The following GALNT13 variants were observed in gnomAD, a reference collection of about 807,000 sequenced individuals.
GALNT13 encodes polypeptide N-acetylgalactosaminyltransferase 13.
In GALNT13, 28 loss-of-function variants were observed where a neutral mutation model predicts 64.2. The ratio of observed to expected loss-of-function variants is 0.44; its 90% CI spans 0.32 to 0.60. GALNT13 has a LOEUF of 0.60. Among genes scored for constraint, GALNT13 ranks in the 20% least tolerant of loss-of-function variants. The pLI, the probability that GALNT13 is intolerant of heterozygous loss-of-function variation, is 0.05. For synonymous variants in GALNT13, 214 were observed against 224.6 expected, an observed-to-expected ratio of 0.95 and a Z score of 0.42; for missense variants, 577 against 669.8, an observed-to-expected ratio of 0.86 and a Z score of 1.53.
At chr2:153,629,885 A>G in the GALNT13 span, among the ~76,000 whole-genome samples, 1 of 148,534 alleles carries the variant, frequency 6.7e-6, no homozygotes, top group Non-Finnish European at 1.5e-5. Flanking sequence ...CAGCCAAAAA[A>G]CACATGAAAA....
At chr2:153,158,200 T>G in the GALNT13 span, among the ~76,000 whole-genome samples, 1 of 152,132 alleles carries the variant, frequency 6.6e-6, no homozygotes, top group South Asian at 2.1e-4. Context: ...TCAACTCCCC[T>G]TAAGGTTTTA....
intron 4 of GALNT13, among the ~76,000 whole-genome samples, chr2:154,166,347 A>G (rs776313877): frequency 2.2e-4 from 33 of 152,278 alleles, no homozygotes; most frequent in Admixed American, 7.2e-4. Flanking sequence ...AGAGGTTGCA[A>G]TGAGCGGAGA....
At chr2:153,355,344 A>T in the GALNT13 span, among the ~76,000 whole-genome samples, 1 of 152,174 alleles carries the variant, frequency 6.6e-6, no homozygotes, top group African/African-American at 2.4e-5. Context: ...TCTGACTCCG[A>T]TCATATTTCT....
rs886156770 is a variant in GALNT13 at position 154,211,537 on chromosome 2, A to G, written c.312-30493A>G. On this transcript the variant is annotated intron_variant, in intron 4 of 12. Transcript: ENST00000392825. ...CAGCTACTTGGGAGGCTGAGTCAGG[A>G]TAATCGATTGAACCCGGGAGGCAGA... Among the ~76,000 whole-genome samples, 3 of 146,018 alleles carry G rather than the reference A, an allele frequency of 2.1e-5. No individual in the cohort carries two copies. In the Admixed American group the frequency reaches 2.1e-4, roughly 10 times the overall value.
At chr2:154,054,038 T>C (rs1452078828) in intron 3 of GALNT13, among the ~76,000 whole-genome samples, 4 of 152,170 alleles carry the variant, frequency 2.6e-5, no homozygotes. Flanking sequence ...TTTGCCTGTA[T>C]TTTATACTCA....
chr2:153,295,922 T>A, the GALNT13 span, among the ~76,000 whole-genome samples: 22,389 of 152,226 alleles, frequency 0.15, 2,113 homozygotes, highest in Non-Finnish European at 0.21. Flanking sequence ...TACATCTGAC[T>A]TTTGGTTTTC....
intron 1 of GALNT13, among the ~76,000 whole-genome samples, chr2:153,888,061 T>C (rs933780040): frequency 6.6e-6 from 1 of 152,066 alleles, no homozygotes; most frequent in African/African-American, 2.4e-5. Context: ...ATTTCCCATT[T>C]AGAAATATTT....
the GALNT13 span, among the ~76,000 whole-genome samples, chr2:153,243,000 T>C: frequency 4.6e-5 from 7 of 152,260 alleles, no homozygotes; most frequent in Admixed American, 4.6e-4. Flanking sequence ...GTTTTCAGTC[T>C]TGGTGTGTAA....
At chr2:153,605,374 T>G in the GALNT13 span, among the ~76,000 whole-genome samples, 10 of 152,200 alleles carry the variant, frequency 6.6e-5, no homozygotes, top group East Asian at 1.9e-3. Flanking sequence ...TCATACCTGC[T>G]TCTGAAATGT....
At chr2:154,156,782 T>G (rs891484725) in intron 4 of GALNT13, among the ~76,000 whole-genome samples, 1 of 152,150 alleles carries the variant, frequency 6.6e-6, no homozygotes, top group East Asian at 1.9e-4. Flanking sequence ...AGGCATGGGT[T>G]GGCCCTTGAA....
rs150859948 is a variant in GALNT13, at chr2:154,371,204, G to A, written c.1157-24787G>A. 3.6e-3 allele frequency among the ~76,000 whole-genome samples: 554 copies of A among 152,182 alleles called. 7 individuals are homozygous for A. Among genetic ancestry groups the A allele is most frequent in the African/African-American group, 0.013 (526 of 41,530 alleles). ...AATAGGAAGTGTGGAAATGGAAAAT[G>A]ACAACATATGCTAGTGTCCCTTAAC... On this transcript the variant is annotated intron_variant, in intron 9 of 12. Coordinates refer to ENST00000392825, the MANE Select transcript of GALNT13 (RefSeq NM_052917.4).
At chr2:153,746,395 A>G in the GALNT13 span, among the ~76,000 whole-genome samples, 2 of 152,190 alleles carry the variant, frequency 1.3e-5, no homozygotes, top group Non-Finnish European at 2.9e-5. Flanking sequence ...GTAGCTATGT[A>G]TGCAATTATT....
the GALNT13 span, among the ~76,000 whole-genome samples, chr2:153,706,862 A>C: frequency 6.6e-6 from 1 of 152,190 alleles, no homozygotes; most frequent in Non-Finnish European, 1.5e-5. Flanking sequence ...TGGTTTCCTT[A>C]AAGTAACTTG....
At chr2:153,095,436 A>G in the GALNT13 span, among the ~76,000 whole-genome samples, 1,037 of 152,308 alleles carry the variant, frequency 6.8e-3, 9 homozygotes, top group African/African-American at 0.023. Flanking sequence ...TACACTGTTG[A>G]TGGAACTGTA....
At chr2:153,208,352 A>G in the GALNT13 span, among the ~76,000 whole-genome samples, 1 of 152,222 alleles carries the variant, frequency 6.6e-6, no homozygotes, top group East Asian at 1.9e-4. Context: ...TTGTACGTAT[A>G]GTTTTGTATT....
At chr2:153,978,925 C>G (rs1003126248) in intron 3 of GALNT13, among the ~76,000 whole-genome samples, 3 of 151,962 alleles carry the variant, frequency 2.0e-5, no homozygotes, top group Admixed American at 2.0e-4. Flanking sequence ...GACAGGGCAG[C>G]TGAGCTAGAC....
At chr2:153,338,302 A>G in the GALNT13 span, among the ~76,000 whole-genome samples, 19 of 152,108 alleles carry the variant, frequency 1.2e-4, no homozygotes, top group African/African-American at 2.4e-5. Context: ...CTAAACATAT[A>G]TGAAAAAACA....
At chr2:153,843,222 AC>A in the GALNT13 span, among the ~76,000 whole-genome samples, 38 of 152,354 alleles carry the variant, frequency 2.5e-4, no homozygotes, top group African/African-American at 9.1e-4. Context: ...CATGTTGCTG[AC>A]ATATGCTGGG....
intron 1 of GALNT13, among the ~76,000 whole-genome samples, chr2:153,894,352 A>C (rs1266733919): frequency 6.6e-6 from 1 of 152,112 alleles, no homozygotes; most frequent in Non-Finnish European, 1.5e-5. Context: ...CCTAACCATG[A>C]TGTAGAGACT....
Sources: gnomAD v4.1 joint callset for allele counts (sites outside exome capture counted in the v4.1 genomes callset) on GRCh38, gnomAD v4.1.1 for gene constraint, MANE v1.5 for transcripts, NCBI Gene and HGNC (gene_info 2026-07-23, HGNC 2026-07-21) for gene names.